The following LHFPL2 variants were observed in gnomAD, a reference collection of about 807,000 sequenced individuals.
LHFPL2 encodes LHFPL tetraspan subfamily member 2 protein.
A neutral mutation model predicts 17.5 loss-of-function variants in LHFPL2; 7 were observed. The observed-to-expected ratio is 0.40, with a 90% CI of 0.23 to 0.75. The LOEUF is 0.75. Ranked by LOEUF, LHFPL2 falls within the 30% of genes least tolerant of loss-of-function variation. The pLI, the probability that LHFPL2 is intolerant of heterozygous loss-of-function variation, is 0.37. For missense variants in LHFPL2, 241 were observed against 294.8 expected (o/e 0.82, Z 1.34); for synonymous variants, 134 against 116.2 (o/e 1.15, Z -0.99).
intron 3 of LHFPL2, among the ~76,000 whole-genome samples, chr5:78,538,599 G>A (rs1206492715): frequency 2.6e-5 from 4 of 152,160 alleles, no homozygotes; most frequent in African/African-American, 9.7e-5. Context: ...CTGAATGTGT[G>A]ACTATACCAC....
chr5:78,554,674 AAAT>A (rs1262305146), intron 3 of LHFPL2, among the ~76,000 whole-genome samples: 2 of 152,244 alleles, frequency 1.3e-5, no homozygotes, highest in African/African-American at 4.8e-5. Context: ...GATTTTCAGC[AAAT>A]AAAACACTGC....
chr5:78,621,864 C>G (rs897918524), intron 2 of LHFPL2, among the ~76,000 whole-genome samples: 1 of 152,034 alleles, frequency 6.6e-6, no homozygotes, highest in African/African-American at 2.4e-5. Flanking sequence ...TTTGGCTTTG[C>G]CTTCCCCTTT....
intron 1 of LHFPL2, among the ~76,000 whole-genome samples, chr5:78,645,543 T>TACACATACACACAC (rs71613976): frequency 7.3e-6 from 1 of 137,328 alleles, no homozygotes. Flanking sequence ...GACAGATGCA[T>TACACATACACACAC]ACACACACAC....
chr5:78,525,152 A>T (rs1755580180), intron 3 of LHFPL2, among the ~76,000 whole-genome samples: 1 of 152,158 alleles, frequency 6.6e-6, no homozygotes, highest in African/African-American at 2.4e-5. Context: ...GACACTGCTG[A>T]ATGTTCCCAG....
intron 3 of LHFPL2, among the ~76,000 whole-genome samples, chr5:78,540,031 G>A (rs1756062803): frequency 6.6e-6 from 1 of 152,162 alleles, no homozygotes; most frequent in Non-Finnish European, 1.5e-5. Context: ...GCCTCCAGAG[G>A]TGACTGGCAG....
intron 2 of LHFPL2, among the ~76,000 whole-genome samples, chr5:78,620,490 G>A (rs1446738139): frequency 1.3e-5 from 2 of 152,186 alleles, no homozygotes; most frequent in Non-Finnish European, 2.9e-5. Context: ...ATCTAAGGGA[G>A]CAACAGATTG....
chr5:78,518,223 TC>T (rs1220319560), intron 3 of LHFPL2, among the ~76,000 whole-genome samples: 1 of 152,194 alleles, frequency 6.6e-6, no homozygotes, highest in Non-Finnish European at 1.5e-5. Flanking sequence ...AAAATATAAG[TC>T]TTAAAGTGAA....
chr5:78,564,927 A>G (rs1179565733), intron 2 of LHFPL2, 56 bp from the exon 3 acceptor site: 1 of 152,226 alleles, frequency 6.6e-6, no homozygotes, highest in African/African-American at 2.4e-5. Flanking sequence ...CACACAAAGA[A>G]GACTTAGCAT....
chr5:78,507,843 ATAAT>A lies in LHFPL2; in HGVS notation c.430+1937_430+1940del, dbSNP rs574612426. 6.6e-5 allele frequency among the ~76,000 whole-genome samples: 10 copies of A among 152,336 alleles called. No individual in the cohort carries two copies. The East Asian group carries it at 1.7e-3, about 26-fold the overall frequency. The stretch of plus-strand genomic sequence containing the variant: ...CAACCAGGGCTCTTCAACAGGATTA[ATAAT>A]TAGTGTGTGCTGGCTTCCCTTGAGC... On this transcript the variant is annotated intron_variant, in intron 4 of 4. Coordinates refer to ENST00000380345, the MANE Select transcript of LHFPL2 (RefSeq NM_005779.3).
intron 2 of LHFPL2, among the ~76,000 whole-genome samples, chr5:78,601,209 G>A (rs924320146): frequency 6.6e-6 from 1 of 152,196 alleles, no homozygotes; most frequent in Non-Finnish European, 1.5e-5. Context: ...TGTCACTGAG[G>A]ATGATAAATA....
chr5:78,561,020 G>C (rs1756711797), intron 3 of LHFPL2, among the ~76,000 whole-genome samples: 1 of 151,990 alleles, frequency 6.6e-6, no homozygotes, highest in African/African-American at 2.4e-5. Flanking sequence ...ACATTATTTT[G>C]ACATGTGATC....
At chr5:78,595,101 T>C (rs1743777662) in intron 2 of LHFPL2, among the ~76,000 whole-genome samples, 1 of 152,222 alleles carries the variant, frequency 6.6e-6, no homozygotes, top group Non-Finnish European at 1.5e-5. Flanking sequence ...CATCTCAACA[T>C]GCACTGATGA....
At chr5:78,552,388 CTCCCAAAG>C (rs1298693959) in intron 3 of LHFPL2, among the ~76,000 whole-genome samples, 1 of 152,212 alleles carries the variant, frequency 6.6e-6, no homozygotes, top group East Asian at 1.9e-4. Flanking sequence ...CTGCCTCGGC[CTCCCAAAG>C]TGCTGGGATT....
intron 2 of LHFPL2, among the ~76,000 whole-genome samples, chr5:78,600,773 C>A (rs1215268554): frequency 1.3e-5 from 2 of 152,082 alleles, no homozygotes; most frequent in African/African-American, 2.4e-5. Context: ...GACAAGCAGA[C>A]AATATACTTA....
intron 2 of LHFPL2, among the ~76,000 whole-genome samples, chr5:78,603,520 A>G (rs1260784783): frequency 6.6e-6 from 1 of 152,182 alleles, no homozygotes; most frequent in African/African-American, 2.4e-5. Context: ...TTTACCAGAA[A>G]CTTCTCTTTG....
intron 2 of LHFPL2, among the ~76,000 whole-genome samples, chr5:78,614,643 A>G (rs1383866225): frequency 6.6e-6 from 1 of 152,220 alleles, no homozygotes; most frequent in Non-Finnish European, 1.5e-5. Flanking sequence ...TGGAACCCAT[A>G]TTGACTCTGC....
In LHFPL2 at chr5:78,487,491, T is replaced by G. The variant is rs546660593; in HGVS notation, c.*1406A>C. The G allele has an allele frequency of 1.3e-5, 2 of 152,342 alleles. No homozygotes were observed. The highest frequency in any genetic ancestry group is 2.1e-4 in the South Asian group (1 of 4,828). 9.4% of individuals were successfully genotyped at this position (152,342 alleles called of 1,614,324 possible). On this transcript the variant is annotated 3_prime_UTR_variant, in exon 5 of 5. Coordinates refer to ENST00000380345, the MANE Select transcript of LHFPL2 (RefSeq NM_005779.3). ...CTTCCAGAAATCTGGCAGTTCCATC[T>G]CACTTTCTTAAAGTGCTAAGGAGTG... is the stretch of plus-strand genomic sequence containing the variant.
intron 3 of LHFPL2, among the ~76,000 whole-genome samples, chr5:78,547,049 C>A (rs1756298748): frequency 6.6e-6 from 1 of 151,640 alleles, no homozygotes. Flanking sequence ...TGAGGAGGGT[C>A]CCCTTGGCCC....
At chr5:78,505,616 C>A (rs140784886) in intron 4 of LHFPL2, among the ~76,000 whole-genome samples, 1 of 152,256 alleles carries the variant, frequency 6.6e-6, no homozygotes, top group African/African-American at 2.4e-5. Flanking sequence ...CTCTTAAGGA[C>A]AGGGAAGGCC....
Sources: gnomAD v4.1 joint callset for allele counts (sites outside exome capture counted in the v4.1 genomes callset) on GRCh38, gnomAD v4.1.1 for gene constraint, MANE v1.5 for transcripts, NCBI Gene and HGNC (gene_info 2026-07-23, HGNC 2026-07-21) for gene names.